MYT1L: variants seen among roughly 807,000 people sequenced by gnomAD.
MYT1L encodes myelin transcription factor 1-like protein.
In MYT1L, 12 loss-of-function variants were observed where a neutral mutation model predicts 126.7. The ratio of observed to expected loss-of-function variants is 0.09; its 90% CI spans 0.06 to 0.15. MYT1L has a LOEUF of 0.15. MYT1L is among the 10% of genes least tolerant of loss of function. MYT1L has a pLI of 1.00. For missense variants in MYT1L, 979 were observed against 1,585.2 expected (o/e 0.62, Z 6.49); for synonymous variants, 541 against 604.2 (o/e 0.90, Z 1.53).
chr2:2,215,133 G>A (rs1311095289), intron 2 of MYT1L, among the ~76,000 whole-genome samples: 1 of 151,810 alleles, frequency 6.6e-6, no homozygotes, highest in Non-Finnish European at 1.5e-5. Flanking sequence ...TCTAAAGCAA[G>A]GCAAAAACAA....
intron 4 of MYT1L, among the ~76,000 whole-genome samples, chr2:2,000,112 G>A (rs1394545097): frequency 6.6e-6 from 1 of 152,190 alleles, no homozygotes; most frequent in Admixed American, 6.5e-5. Flanking sequence ...CCAGAACAAA[G>A]TACTGCACAA....
intron 9 of MYT1L, among the ~76,000 whole-genome samples, chr2:1,934,291 CATATATAT>C (rs71276815): frequency 1.6e-5 from 2 of 123,528 alleles, no homozygotes; most frequent in African/African-American, 6.0e-5. Flanking sequence ...ATTTTTATAA[CATATATAT>C]ATATATATAC....
intron 4 of MYT1L, among the ~76,000 whole-genome samples, chr2:2,007,439 C>T (rs1390921204): frequency 6.6e-6 from 1 of 152,174 alleles, no homozygotes; most frequent in African/African-American, 2.4e-5. Flanking sequence ...AACAGAATTA[C>T]AGAAACTGTC....
chr2:2,163,155 C>G lies in MYT1L; in HGVS notation c.-304+9717G>C, dbSNP rs530943188. Among the ~76,000 whole-genome samples, 8 of 152,228 alleles carry G rather than the reference C, an allele frequency of 5.3e-5. No homozygotes were observed. In the South Asian group the frequency reaches 1.7e-3, roughly 32 times the overall value. On this transcript the variant is annotated intron_variant, in intron 3 of 24. Coordinates refer to ENST00000647738, the MANE Select transcript of MYT1L (RefSeq NM_001303052.2). ...GCAGGACCACCTGACCCTAAATGAG[C>G]ATTGTTTAAAGAACGGTTCTGGGAC...
At position 1,857,875 on chromosome 2, in the gene MYT1L, T is replaced by A. The variant is rs576135488; in HGVS notation, c.2712-6172A>T. On this transcript the variant is annotated intron_variant, in intron 18 of 24. Transcript: ENST00000647738. ...ATACATATTACTATTTTTTTTTTTT[T>A]AATTTGAGACAGAGTCTCACTCTGT... is the stretch of plus-strand genomic sequence containing the variant. Among the ~76,000 whole-genome samples the A allele has an allele frequency of 5.9e-4, 87 of 148,606 alleles. 1 individual carries two copies. The South Asian group carries it at 0.017, about 30-fold the overall frequency.
intron 2 of MYT1L, among the ~76,000 whole-genome samples, chr2:2,231,771 T>G (rs2094168358): frequency 6.6e-6 from 1 of 152,064 alleles, no homozygotes; most frequent in Non-Finnish European, 1.5e-5. Flanking sequence ...TTTATATATA[T>G]AAAAAAAGCA....
At chr2:1,830,587 G>C (rs2040016036) in intron 21 of MYT1L, among the ~76,000 whole-genome samples, 1 of 146,366 alleles carries the variant, frequency 6.8e-6, no homozygotes, top group Non-Finnish European at 1.6e-5. Flanking sequence ...CTCGGCACCT[G>C]GAAGGGCTCA....
At chr2:1,949,523 A>G (rs1366977943) in intron 8 of MYT1L, among the ~76,000 whole-genome samples, 1 of 152,232 alleles carries the variant, frequency 6.6e-6, no homozygotes, top group African/African-American at 2.4e-5. Context: ...TCTAGAAACC[A>G]GTTGCTGGCC....
intron 8 of MYT1L, among the ~76,000 whole-genome samples, chr2:1,970,495 A>G (rs541624371): frequency 6.6e-6 from 1 of 151,542 alleles, no homozygotes; most frequent in Non-Finnish European, 1.5e-5. Context: ...AGTAGTTGCA[A>G]TGGACAGAGA....
At chr2:2,067,187 T>C (rs1432476649) in intron 3 of MYT1L, among the ~76,000 whole-genome samples, 1 of 152,208 alleles carries the variant, frequency 6.6e-6, no homozygotes, top group Non-Finnish European at 1.5e-5. Flanking sequence ...AGAATTATTC[T>C]GAAGCTGTAG....
At chr2:1,798,252 CT>C (rs557032456) in intron 23 of MYT1L, among the ~76,000 whole-genome samples, 131 of 143,366 alleles carry the variant, frequency 9.1e-4, no homozygotes, top group Middle Eastern at 3.9e-3. Context: ...GGCGGTCTCC[CT>C]CCATCCGGCA....
chr2:2,147,019 GC>G (rs1350990313), intron 3 of MYT1L, among the ~76,000 whole-genome samples: 1 of 152,170 alleles, frequency 6.6e-6, no homozygotes, highest in African/African-American at 2.4e-5. Flanking sequence ...GCATTTCTCA[GC>G]AACAAGACTC....
chr2:2,105,424 C>T lies in MYT1L; in HGVS notation c.-303-51301G>A, dbSNP rs1198062163. On this transcript the variant is annotated intron_variant, in intron 3 of 24. Transcript: ENST00000647738. ...TTCTAGAATGAGTGATATCTGTTGC[C>T]CCCTCTTTTATTATTGTGAACTTTG... is the stretch of plus-strand genomic sequence containing the variant. Among the ~76,000 whole-genome samples the T allele has an allele frequency of 2.6e-5, 4 of 152,108 alleles. 1 individual carries two copies. Among genetic ancestry groups the T allele is most frequent in the Admixed American group, 6.5e-5 (1 of 15,268 alleles).
chr2:2,274,888 T>C (rs1573047264), intron 2 of MYT1L, among the ~76,000 whole-genome samples: 1 of 152,020 alleles, frequency 6.6e-6, no homozygotes, highest in African/African-American at 2.4e-5. Context: ...GCTCATTCCA[T>C]AAGACCCCGA....
chr2:2,053,509 C>T (rs552294674), intron 4 of MYT1L, among the ~76,000 whole-genome samples: 15 of 152,300 alleles, frequency 9.8e-5, no homozygotes, highest in African/African-American at 3.1e-4. Flanking sequence ...CAGCAAGGGA[C>T]GTTTGTCAAC....
intron 18 of MYT1L, chr2:1,886,062 T>C (rs1382542381): frequency 6.6e-6 from 1 of 152,494 alleles, no homozygotes; most frequent in Admixed American, 6.5e-5. Context: ...GAGTTGTCAC[T>C]GTCCTAAAGA....
In MYT1L at chr2:1,887,459, T is replaced by C; in HGVS notation, c.2642+29A>G. The stretch of plus-strand genomic sequence containing the variant: ...CCAAAGAATGGGAAGATTAAGAAGA[T>C]TCATAATTTCACCTCACAGCATGCT... On this transcript the variant is annotated intron_variant, in intron 17 of 24. Coordinates refer to ENST00000647738, the MANE Select transcript of MYT1L (RefSeq NM_001303052.2). This position sits in a 1 kb window ranked among gnomAD's most constrained non-coding sequence, Gnocchi z 4.8. 2 of 1,613,822 alleles carry C rather than the reference T, an allele frequency of 1.2e-6. No individual in the cohort carries two copies. The highest frequency in any genetic ancestry group is 1.7e-5 in the Admixed American group (1 of 60,020).
intron 8 of MYT1L, among the ~76,000 whole-genome samples, chr2:1,977,351 A>G (rs886072646): frequency 6.6e-6 from 1 of 152,190 alleles, no homozygotes; most frequent in Admixed American, 6.5e-5. Flanking sequence ...CCACACACAC[A>G]TTACATGGGA....
At chr2:2,316,823 T>C (rs1463824075) in intron 1 of MYT1L, among the ~76,000 whole-genome samples, 1 of 152,166 alleles carries the variant, frequency 6.6e-6, no homozygotes, top group Non-Finnish European at 1.5e-5. Context: ...TATTTATTTT[T>C]TTTTCGAGAC....
Sources: gnomAD v4.1 joint callset for allele counts (sites outside exome capture counted in the v4.1 genomes callset) on GRCh38, gnomAD v4.1.1 for gene constraint, Gnocchi (gnomAD v3.1) non-coding constraint, MANE v1.5 for transcripts, NCBI Gene and HGNC (gene_info 2026-07-23, HGNC 2026-07-21) for gene names.